The following HDAC4 variants were observed in gnomAD, a reference collection of about 807,000 sequenced individuals.
The protein encoded by HDAC4 is histone deacetylase A.
In HDAC4, 16 loss-of-function variants were observed where a neutral mutation model predicts 135.1. The ratio of observed to expected loss-of-function variants is 0.12; its 90% CI spans 0.08 to 0.18. The LOEUF is 0.18. Among genes scored for constraint, HDAC4 ranks in the 10% least tolerant of loss-of-function variants. The probability of loss-of-function intolerance (pLI) is 1.00; values close to 1 mark genes in which losing one functional copy is unlikely to be tolerated. For synonymous variants in HDAC4, 685 were observed against 653.4 expected (o/e 1.05, Z -0.74); for missense variants, 1,143 against 1,511.8 (o/e 0.76, Z 4.05).
intron 6 of HDAC4, chr2:239,162,006 C>T (rs2042826861): frequency 4.9e-6 from 2 of 411,650 alleles, no homozygotes; most frequent in Non-Finnish European, 9.9e-6. Context: ...TGGCCTCGGC[C>T]CCCCGTCCAC....
chr2:239,279,737 G>C (rs989658171), intron 2 of HDAC4, among the ~76,000 whole-genome samples: 2 of 152,202 alleles, frequency 1.3e-5, no homozygotes, highest in Non-Finnish European at 2.9e-5. Flanking sequence ...GGCCAGGCCC[G>C]CAGGGGGCAT....
chr2:239,204,830 G>T (rs990544941), intron 3 of HDAC4, among the ~76,000 whole-genome samples: 1 of 152,178 alleles, frequency 6.6e-6, no homozygotes, highest in Non-Finnish European at 1.5e-5. Flanking sequence ...CCACGGAGGG[G>T]CCTCTGATGG....
intron 3 of HDAC4, among the ~76,000 whole-genome samples, chr2:239,233,889 ATCAAAAT>A: frequency 6.6e-6 from 1 of 152,240 alleles, no homozygotes; most frequent in Non-Finnish European, 1.5e-5. Flanking sequence ...ACCTTCAAAC[ATCAAAAT>A]GTCTAAAGAA....
intron 2 of HDAC4, among the ~76,000 whole-genome samples, chr2:239,271,006 C>T (rs1202331305): frequency 1.3e-5 from 2 of 152,134 alleles, no homozygotes; most frequent in African/African-American, 2.4e-5. Flanking sequence ...ACTCAAAGGA[C>T]CGGGTTTATC....
chr2:239,056,810 G>C (rs2031921619), intron 24 of HDAC4, among the ~76,000 whole-genome samples: 1 of 152,230 alleles, frequency 6.6e-6, no homozygotes, highest in African/African-American at 2.4e-5. Context: ...AAATGATCAA[G>C]GTCAGTGAGC....
At chr2:239,388,634 C>T (rs1575797689) in intron 1 of HDAC4, among the ~76,000 whole-genome samples, 1 of 152,162 alleles carries the variant, frequency 6.6e-6, no homozygotes, top group African/African-American at 2.4e-5. Context: ...GGCCCTGATC[C>T]GTCCTCCACC....
rs2152917774 is a variant in HDAC4, at chr2:239,144,644, CAG to C, written c.802_803del (p.Leu268ValfsTer268). On this transcript the variant is annotated frameshift_variant, in exon 8 of 27. Transcript: ENST00000543185. LOFTEE classifies it high-confidence loss of function. The stretch of plus-strand genomic sequence containing the variant: ...CCACTGGCCCGTCTTTCCTGCGTAA[CAG>C]GGGGCTGCTCCGTCTTTCGGCCACT... ...QKVAERRSSP[L>X]LRRKDGPVVT... The C allele has an allele frequency of 1.2e-6, 2 of 1,614,238 alleles. No individual in the cohort carries two copies. Among genetic ancestry groups the C allele is most frequent in the Non-Finnish European group, 1.7e-6 (2 of 1,180,042 alleles).
chr2:239,315,937 G>C (rs1384411942), intron 2 of HDAC4, among the ~76,000 whole-genome samples: 1 of 152,166 alleles, frequency 6.6e-6, no homozygotes, highest in Non-Finnish European at 1.5e-5. Context: ...GCATGAGAAA[G>C]AATGTCAAAA....
At chr2:239,054,635 G>A (rs1298580863) in intron 25 of HDAC4, 114 bp downstream of exon 25, 2 of 774,496 alleles carry the variant, frequency 2.6e-6, no homozygotes, top group South Asian at 1.4e-5. Flanking sequence ...GCCTGGGGAA[G>A]CAGCCGGCAG....
intron 2 of HDAC4, among the ~76,000 whole-genome samples, chr2:239,328,590 G>C (rs2053535921): frequency 6.6e-6 from 1 of 152,210 alleles, no homozygotes. Flanking sequence ...CCATGAGAGT[G>C]GGGAGCTGGT....
chr2:239,058,322 A>G (rs1256897037), intron 24 of HDAC4, among the ~76,000 whole-genome samples: 4 of 152,266 alleles, frequency 2.6e-5, no homozygotes. Flanking sequence ...GAAAAGAGAA[A>G]AAGGAAAGAG....
chr2:239,380,818 A>G (rs1398205846), intron 1 of HDAC4, among the ~76,000 whole-genome samples: 2 of 152,162 alleles, frequency 1.3e-5, no homozygotes, highest in Admixed American at 6.5e-5. Context: ...CTTCAGAGGC[A>G]TTGCTGCTGC....
chr2:239,274,988 A>T (rs1239162039), intron 2 of HDAC4, among the ~76,000 whole-genome samples: 1 of 152,232 alleles, frequency 6.6e-6, no homozygotes, highest in Non-Finnish European at 1.5e-5. Context: ...ATTTTGTGTG[A>T]GAGGGAAGAA....
At chr2:239,214,226 G>A (rs10205271) in intron 3 of HDAC4, among the ~76,000 whole-genome samples, 22,154 of 152,084 alleles carry the variant, frequency 0.15, 1,698 homozygotes, top group East Asian at 0.23. Flanking sequence ...TCTAGCTTCC[G>A]GAGGCTGCCA....
intron 16 of HDAC4, among the ~76,000 whole-genome samples, chr2:239,096,459 A>C (rs1254812445): frequency 8.1e-6 from 1 of 123,894 alleles, no homozygotes; most frequent in African/African-American, 3.1e-5. Flanking sequence ...ACCACGGATG[A>C]CTGCACCCTC....
At chr2:239,131,122 G>C (rs1454620045) in intron 11 of HDAC4, among the ~76,000 whole-genome samples, 9 of 152,246 alleles carry the variant, frequency 5.9e-5, no homozygotes. Flanking sequence ...CAGGGACATA[G>C]AAGAGGCACG....
At chr2:239,102,211 G>T (rs1360008285) in intron 16 of HDAC4, among the ~76,000 whole-genome samples, 1 of 152,184 alleles carries the variant, frequency 6.6e-6, no homozygotes, top group East Asian at 1.9e-4. Flanking sequence ...AAGCCCCATG[G>T]AGCTGGCTGG....
At chr2:239,181,032 T>C (rs981417701) in intron 4 of HDAC4, among the ~76,000 whole-genome samples, 1 of 152,222 alleles carries the variant, frequency 6.6e-6, no homozygotes, top group Non-Finnish European at 1.5e-5. Flanking sequence ...CCTCGGGCTC[T>C]AGGCAGGTCT....
chr2:239,208,314 G>A (rs998514242), intron 3 of HDAC4, among the ~76,000 whole-genome samples: 2 of 116,796 alleles, frequency 1.7e-5, no homozygotes, highest in Non-Finnish European at 3.2e-5. Context: ...GGGACAGAGC[G>A]AGACTCCGTC....
Sources: gnomAD v4.1 joint callset for allele counts (sites outside exome capture counted in the v4.1 genomes callset) on GRCh38, gnomAD v4.1.1 for gene constraint, MANE v1.5 for transcripts, NCBI Gene and HGNC (gene_info 2026-07-23, HGNC 2026-07-21) for gene names.